DPYD: variants seen among roughly 807,000 people sequenced by gnomAD.
DPYD encodes dihydropyrimidine dehydrogenase [NADP(+)].
A neutral mutation model predicts 116.2 loss-of-function variants in DPYD; 109 were observed. The observed-to-expected ratio is 0.94, with a 90% CI of 0.80 to 1.10. The LOEUF is 1.10. DPYD is among the 50% of genes least tolerant of loss of function. DPYD has a pLI of 0.00. For synonymous variants in DPYD, 440 were observed against 432.0 expected, an observed-to-expected ratio of 1.02 and a Z score of -0.23; for missense variants, 1,302 against 1,254.5, an observed-to-expected ratio of 1.04 and a Z score of -0.57.
chr1:97,615,199 T>C (rs75659087), intron 8 of DPYD, among the ~76,000 whole-genome samples: 10,761 of 152,174 alleles, frequency 0.071, 542 homozygotes, highest in Middle Eastern at 0.11. Flanking sequence ...ACTGAACATC[T>C]TCCACTGGTT....
intron 8 of DPYD, among the ~76,000 whole-genome samples, chr1:97,618,312 G>C (rs1656415472): frequency 6.6e-6 from 1 of 151,548 alleles, no homozygotes; most frequent in Admixed American, 6.6e-5. Context: ...CACAGGCATA[G>C]CATGTCCTGA....
intron 18 of DPYD, among the ~76,000 whole-genome samples, chr1:97,257,555 G>GTA (rs943775694): frequency 6.0e-5 from 9 of 149,316 alleles, no homozygotes; most frequent in Admixed American, 3.3e-4. Context: ...ATATGTATAC[G>GTA]TATATATATA....
rs138684414 is a variant in DPYD at position 97,811,717 on chromosome 1, C to T, written c.233+16397G>A. Among the ~76,000 whole-genome samples the T allele has an allele frequency of 1.9e-3, 296 of 152,144 alleles. 1 individual carries two copies. The highest frequency in any genetic ancestry group is 3.7e-3 in the Non-Finnish European group (254 of 67,940). ...TATATTAAAATACATAATCATGTTG[C>T]AAACATACATAACTTTTCCCCTATT... is the stretch of plus-strand genomic sequence containing the variant. On this transcript the variant is annotated intron_variant, in intron 3 of 22. Coordinates refer to ENST00000370192, the MANE Select transcript of DPYD (RefSeq NM_000110.4).
intron 10 of DPYD, among the ~76,000 whole-genome samples, chr1:97,582,854 A>G (rs1653790138): frequency 6.6e-6 from 1 of 152,204 alleles, no homozygotes; most frequent in Admixed American, 6.5e-5. Context: ...TTGTGTCACT[A>G]TTGTGCTGCA....
At chr1:97,549,535 A>G in intron 12 of DPYD, 25 bp downstream of exon 12, 1 of 1,612,810 alleles carries the variant, frequency 6.2e-7, no homozygotes, top group Non-Finnish European at 8.5e-7. Context: ...AAAAGAATTA[A>G]GTGGAAATGA....
At chr1:97,651,321 A>G (rs1051690582) in intron 8 of DPYD, among the ~76,000 whole-genome samples, 1 of 152,218 alleles carries the variant, frequency 6.6e-6, no homozygotes, top group African/African-American at 2.4e-5. Context: ...GTACTTGAAC[A>G]AAAATACCCT....
At chr1:97,293,169 AT>A (rs1040852722) in intron 18 of DPYD, among the ~76,000 whole-genome samples, 1 of 152,148 alleles carries the variant, frequency 6.6e-6, no homozygotes, top group African/African-American at 2.4e-5. Context: ...ATTACTGTGA[AT>A]TTTTTTAAAA....
chr1:97,840,452 C>A (rs1164975028), intron 2 of DPYD, among the ~76,000 whole-genome samples: 1 of 152,132 alleles, frequency 6.6e-6, no homozygotes, highest in Admixed American at 6.5e-5. Flanking sequence ...TGGAGGTTAA[C>A]TAGATACTGT....
chr1:97,527,896 T>C (rs1570904203), intron 12 of DPYD, among the ~76,000 whole-genome samples: 1 of 152,154 alleles, frequency 6.6e-6, no homozygotes, highest in Admixed American at 6.5e-5. Context: ...ATCACTATGT[T>C]CCATGCAATT....
At chr1:97,234,811 G>T in intron 19 of DPYD, 41 bp downstream of exon 19, 1 of 1,611,710 alleles carries the variant, frequency 6.2e-7, no homozygotes, top group Non-Finnish European at 8.5e-7. Context: ...GCATTTGTGA[G>T]ATGGAGATTT....
intron 11 of DPYD, among the ~76,000 whole-genome samples, chr1:97,559,754 G>A (rs1441037141): frequency 6.6e-6 from 1 of 151,876 alleles, no homozygotes; most frequent in Non-Finnish European, 1.5e-5. Flanking sequence ...CAATTCAAAA[G>A]TATAGTTTCT....
intron 2 of DPYD, among the ~76,000 whole-genome samples, chr1:97,879,708 C>T (rs563974773): frequency 2.0e-5 from 3 of 151,858 alleles, no homozygotes; most frequent in Non-Finnish European, 4.4e-5. Flanking sequence ...ATTCTTAAGG[C>T]ACTTTTACCG....
At chr1:97,402,499 G>A (rs1673430443) in intron 14 of DPYD, among the ~76,000 whole-genome samples, 1 of 152,018 alleles carries the variant, frequency 6.6e-6, no homozygotes. Flanking sequence ...TCACTTGTTA[G>A]TTACAGGATA....
chr1:97,425,561 G>A (rs74728491), intron 14 of DPYD, among the ~76,000 whole-genome samples: 1,557 of 152,024 alleles, frequency 0.01, 36 homozygotes, highest in African/African-American at 0.036. Flanking sequence ...TACTCCAGAG[G>A]GAAATTTAGA....
chr1:97,266,819 G>C (rs1037913148), intron 18 of DPYD, among the ~76,000 whole-genome samples: 1 of 152,070 alleles, frequency 6.6e-6, no homozygotes, highest in African/African-American at 2.4e-5. Context: ...TCAGAATGAT[G>C]ACTTCCAGAT....
At chr1:97,445,763 T>G (rs1011243605) in intron 14 of DPYD, among the ~76,000 whole-genome samples, 28 of 150,496 alleles carry the variant, frequency 1.9e-4, no homozygotes, top group Non-Finnish European at 3.4e-4. Context: ...TTCACTCCTG[T>G]GGCCCAGGCT....
intron 1 of DPYD, among the ~76,000 whole-genome samples, chr1:97,911,580 C>T (rs1319658895): frequency 6.6e-6 from 1 of 151,300 alleles, no homozygotes; most frequent in Non-Finnish European, 1.5e-5. Flanking sequence ...CTCTGAGTAC[C>T]AGGAAGAAAA....
intron 8 of DPYD, among the ~76,000 whole-genome samples, chr1:97,675,530 G>A (rs1660096214): frequency 2.0e-5 from 3 of 152,144 alleles, no homozygotes; most frequent in Middle Eastern, 3.2e-3. Flanking sequence ...CTCTAAAAAT[G>A]AGAGACTTTT....
intron 8 of DPYD, among the ~76,000 whole-genome samples, chr1:97,641,729 A>G (rs1490188911): frequency 6.6e-6 from 1 of 152,190 alleles, no homozygotes; most frequent in Non-Finnish European, 1.5e-5. Flanking sequence ...TATTCAACAC[A>G]GTATTGGAAG....
Sources: allele counts gnomAD v4.1 joint callset (sites outside exome capture counted in the v4.1 genomes callset), GRCh38; gene constraint gnomAD v4.1.1; transcripts MANE v1.5; gene names NCBI Gene and HGNC (gene_info 2026-07-23, HGNC 2026-07-21).